SNX31: variants seen among roughly 807,000 people sequenced by gnomAD.
SNX31 encodes sorting nexin 31.
Under a neutral mutation model 65.4 loss-of-function variants are expected in SNX31, and 58 were observed. That is an observed-to-expected ratio of 0.89 (90% CI 0.72 to 1.10). The LOEUF (loss-of-function observed/expected upper bound fraction) is 1.10, where lower values mean the gene tolerates loss of function less well. Ranked by LOEUF, SNX31 falls within the 50% of genes least tolerant of loss-of-function variation. The pLI is 0.00. For synonymous variants in SNX31, 181 were observed against 190.1 expected (o/e 0.95, Z 0.39); for missense variants, 523 against 529.7 (o/e 0.99, Z 0.12).
chr8:100,583,389 G>A (rs1813733610), intron 12 of SNX31, among the ~76,000 whole-genome samples: 1 of 151,878 alleles, frequency 6.6e-6, no homozygotes, highest in South Asian at 2.1e-4. Context: ...ACAGGCATGA[G>A]CCACCATGCC....
At chr8:100,650,046 C>T (rs1009345865), upstream of SNX31, among the ~76,000 whole-genome samples, 7 of 137,524 alleles carry the variant, frequency 5.1e-5, no homozygotes, top group South Asian at 2.5e-4. Flanking sequence ...TTGTTTTTTC[C>T]CCTTAAAATA....
Position 100,576,992 on chromosome 8 carries a change from A to G in SNX31, c.1227+27T>C. 1 of 1,569,912 alleles carries G rather than the reference A, an allele frequency of 6.4e-7. No individual in the cohort carries two copies. The highest frequency in any genetic ancestry group is 8.8e-7 in the Non-Finnish European group (1 of 1,142,538). On this transcript the variant is annotated intron_variant, in intron 13 of 13. Coordinates refer to ENST00000311812, the MANE Select transcript of SNX31 (RefSeq NM_152628.4). The surrounding 1 kb of genome is among the most constrained non-coding windows in gnomAD (Gnocchi z 4.8). ...ATCAGATTTATCAAAATTATAATGT[A>G]CCAATTACATAATTTTACTCACAGA...
chr8:100,618,069 A>T, intron 4 of SNX31: 1 of 985,338 alleles, frequency 1.0e-6, no homozygotes, highest in Non-Finnish European at 1.2e-6. Context: ...CCCGGCCTCC[A>T]CACCATTTTT....
Position 100,608,524 on chromosome 8 carries a change from G to A in SNX31, c.651C>T (p.Cys217=), listed in dbSNP as rs145028188. ...APSLDSVLMD[C]RVAVDLLYMQ... The stretch of plus-strand genomic sequence containing the variant: ...TGTAGAGCAAATCTACCGCCACCCT[G>A]CAGTCCATCAGCACGGAGTCGAGGG... The change falls in exon 8 of 14, where the codon TGC becomes TGT. Residue 217 remains cysteine, a synonymous_variant. Coordinates refer to ENST00000311812, the MANE Select transcript of SNX31 (RefSeq NM_152628.4). The A allele has an allele frequency of 1.8e-3, 2,860 of 1,614,062 alleles. 10 individuals are homozygous for A. Among genetic ancestry groups the A allele is most frequent in the Non-Finnish European group, 2.1e-3 (2,432 of 1,179,964 alleles).
chr8:100,611,419 A>G lies in SNX31; in HGVS notation c.611+581T>C, dbSNP rs887833296. On this transcript the variant is annotated intron_variant, in intron 7 of 13. Coordinates refer to ENST00000311812, the MANE Select transcript of SNX31 (RefSeq NM_152628.4). Reference sequence around the variant, plus strand: ...TTCGCCTATCAGTAGAGATGCAGAAAGATGGCTACCCTCCTCATTTTCATA... The same window carrying G: ...TTCGCCTATCAGTAGAGATGCAGAAGGATGGCTACCCTCCTCATTTTCATA... 1.1e-4 allele frequency among the ~76,000 whole-genome samples: 17 copies of G among 152,186 alleles called. 1 individual carries two copies. The highest frequency in any genetic ancestry group is 9.2e-4 in the Admixed American group (14 of 15,286).
chr8:100,659,212 G>A (rs548806271), intron 1 of SNX31, among the ~76,000 whole-genome samples: 4 of 152,148 alleles, frequency 2.6e-5, no homozygotes, highest in Admixed American at 6.5e-5. Flanking sequence ...CGGGCCTGGT[G>A]GTGGGCACCT....
chr8:100,584,570 G>A (rs1458036354), intron 11 of SNX31, among the ~76,000 whole-genome samples: 3 of 151,598 alleles, frequency 2.0e-5, no homozygotes, highest in Admixed American at 6.6e-5. Flanking sequence ...ACTGATGATG[G>A]TCAATCCTAT....
rs754886531 is a variant in SNX31, at chr8:100,596,725, T to C, written c.892A>G (p.Ser298Gly). Residue 298 changes from serine (S) to glycine (G), a missense_variant, in exon 10 of 14, where the codon AGC becomes GGC. Ser to Gly is a moderately conservative substitution (Grantham distance 56). Transcript: ENST00000311812. ...CTGTCAGGCAGGGTGATGCAGCAGC[T>C]GATCTCATTATTGCCAACAGAAAGA... Reference protein sequence around the residue: ...AVLSVGNNEISCCITLPDSQT... With the variant: ...AVLSVGNNEIGCCITLPDSQT... 6.2e-7 allele frequency: 1 copy of C among 1,614,172 alleles called. No individual in the cohort carries two copies. The highest frequency in any genetic ancestry group is 2.2e-5 in the East Asian group (1 of 44,888).
chr8:100,584,028 G>T, intron 12 of SNX31, 83 bp downstream of exon 12: 1 of 1,244,640 alleles, frequency 8.0e-7, no homozygotes, highest in Non-Finnish European at 1.1e-6. Context: ...GGCTCAGGGA[G>T]CTCATGAGTG....
intron 3 of SNX31, among the ~76,000 whole-genome samples, chr8:100,631,249 G>A (rs1037569031): frequency 2.0e-5 from 3 of 152,118 alleles, no homozygotes; most frequent in Admixed American, 6.6e-5. Flanking sequence ...GGAGATATGG[G>A]CAGAGCAGAT....
Position 100,609,368 on chromosome 8 carries a change from T to A in SNX31, c.612-805A>T, listed in dbSNP as rs1816499851. Among the ~76,000 whole-genome samples, 1 of 152,192 alleles carries A rather than the reference T, an allele frequency of 6.6e-6. No homozygotes were observed. The highest frequency in any genetic ancestry group is 2.4e-5 in the African/African-American group (1 of 41,438). On this transcript the variant is annotated intron_variant, in intron 7 of 13. Transcript: ENST00000311812. The surrounding 1 kb of genome is among the most constrained non-coding windows in gnomAD (Gnocchi z 4.9). ...CTGTGCTTCCTCTGCACCCTGAGTT[T>A]ATTCCAATTGCCACTCTGATTAAGT...
chr8:100,642,544 T>G (rs1819330894), intron 2 of SNX31, among the ~76,000 whole-genome samples: 1 of 152,222 alleles, frequency 6.6e-6, no homozygotes, highest in East Asian at 1.9e-4. Context: ...CAACCTGAGC[T>G]GACTTGTCAA....
chr8:100,574,840 A>G (rs1812912218), intron 13 of SNX31, among the ~76,000 whole-genome samples: 1 of 152,196 alleles, frequency 6.6e-6, no homozygotes, highest in African/African-American at 2.4e-5. Context: ...AGGCTGAGGC[A>G]GGAGGATCGC....
chr8:100,620,889 C>T (rs978990262), intron 4 of SNX31, among the ~76,000 whole-genome samples: 1 of 151,968 alleles, frequency 6.6e-6, no homozygotes, highest in Non-Finnish European at 1.5e-5. Context: ...CACCTGAGGT[C>T]GGCAGATCAC....
At chr8:100,633,808 T>C (rs1426189273) in intron 3 of SNX31, among the ~76,000 whole-genome samples, 1 of 152,156 alleles carries the variant, frequency 6.6e-6, no homozygotes, top group Non-Finnish European at 1.5e-5. Flanking sequence ...TGTAAACATC[T>C]GGGAAATCTG....
At chr8:100,593,431 G>T (rs1814769813) in intron 10 of SNX31, among the ~76,000 whole-genome samples, 1 of 152,030 alleles carries the variant, frequency 6.6e-6, no homozygotes, top group Non-Finnish European at 1.5e-5. Context: ...GGGATGGGGG[G>T]ATAACCACCT....
At chr8:100,595,726 A>T (rs1173957993) in intron 10 of SNX31, among the ~76,000 whole-genome samples, 1 of 152,190 alleles carries the variant, frequency 6.6e-6, no homozygotes, top group African/African-American at 2.4e-5. Flanking sequence ...AAGGTGGAAA[A>T]GGACTCGTCT....
intron 2 of SNX31, among the ~76,000 whole-genome samples, chr8:100,640,919 A>G (rs1819126597): frequency 1.3e-5 from 2 of 152,174 alleles, no homozygotes; most frequent in Admixed American, 6.5e-5. Flanking sequence ...GGTAAACACT[A>G]AGGAGGTCTG....
intron 5 of SNX31, among the ~76,000 whole-genome samples, chr8:100,616,436 T>C (rs2131070397): frequency 6.6e-6 from 1 of 152,364 alleles, no homozygotes; most frequent in East Asian, 1.9e-4. Flanking sequence ...GCTCCCACTC[T>C]ATCACTGCCT....
Sources: allele counts gnomAD v4.1 joint callset (sites outside exome capture counted in the v4.1 genomes callset), GRCh38; gene constraint gnomAD v4.1.1; non-coding constraint Gnocchi (gnomAD v3.1); transcripts MANE v1.5; gene names NCBI Gene and HGNC (gene_info 2026-07-23, HGNC 2026-07-21).